AKAP7: variants seen among roughly 807,000 people sequenced by gnomAD.
AKAP7 encodes A-kinase anchoring protein 7.
A neutral mutation model predicts 39.5 loss-of-function variants in AKAP7; 39 were observed. The observed-to-expected ratio is 0.99, with a 90% CI of 0.76 to 1.29. The LOEUF (loss-of-function observed/expected upper bound fraction) is 1.29. Among genes scored for constraint, AKAP7 ranks in the 50% most tolerant of loss-of-function variants. The pLI is 0.00. For synonymous variants in AKAP7, 140 were observed against 139.1 expected, an observed-to-expected ratio of 1.01 and a Z score of -0.05; for missense variants, 414 against 407.7, an observed-to-expected ratio of 1.02 and a Z score of -0.13.
chr6:131,210,384 A>G (rs776728045), intron 6 of AKAP7, among the ~76,000 whole-genome samples: 1 of 152,236 alleles, frequency 6.6e-6, no homozygotes, highest in South Asian at 2.1e-4. Flanking sequence ...TTGAGGACCT[A>G]ACAGAACTTA....
intron 1 of AKAP7, among the ~76,000 whole-genome samples, chr6:131,139,416 T>C (rs1001789404): frequency 4.6e-5 from 7 of 152,218 alleles, no homozygotes; most frequent in Admixed American, 2.6e-4. Context: ...TAATATGCTT[T>C]ATTTAGCAAG....
intron 7 of AKAP7, among the ~76,000 whole-genome samples, chr6:131,272,498 A>G (rs949965907): frequency 1.3e-5 from 2 of 152,176 alleles, no homozygotes; most frequent in Non-Finnish European, 2.9e-5. Flanking sequence ...TAATATAAGC[A>G]CTTAGTGTAT....
At chr6:131,241,623 G>GTATATATATATA (rs1228757342) in intron 7 of AKAP7, among the ~76,000 whole-genome samples, 7 of 68,524 alleles carry the variant, frequency 1.0e-4, no homozygotes, top group African/African-American at 1.8e-4. Context: ...GTGTGTGTGT[G>GTATATATATATA]TGTGTATATA....
chr6:131,147,156 G>T (rs1157425817), intron 2 of AKAP7, among the ~76,000 whole-genome samples: 2 of 152,202 alleles, frequency 1.3e-5, no homozygotes, highest in Admixed American at 6.5e-5. Context: ...AGAATTTTCT[G>T]CAGAGTGATG....
chr6:131,273,513 G>A (rs1294814332), intron 7 of AKAP7, among the ~76,000 whole-genome samples: 3 of 152,018 alleles, frequency 2.0e-5, no homozygotes, highest in Non-Finnish European at 2.9e-5. Context: ...AGTGGTTACT[G>A]TAGGGTTTTA....
At chr6:131,135,881 C>T in intron 1 of AKAP7, 99 bp downstream of exon 1, 1 of 1,184,768 alleles carries the variant, frequency 8.4e-7, no homozygotes, top group Non-Finnish European at 1.1e-6. Flanking sequence ...CTGACCCGCG[C>T]CGGCCCTTCT....
At chr6:131,182,301 C>T (rs908742112) in intron 5 of AKAP7, among the ~76,000 whole-genome samples, 2 of 151,892 alleles carry the variant, frequency 1.3e-5, no homozygotes, top group African/African-American at 4.8e-5. Context: ...AAAAACAAAT[C>T]CTCACTCCCT....
chr6:131,238,664 C>T (rs199690840), intron 7 of AKAP7, among the ~76,000 whole-genome samples: 2 of 152,110 alleles, frequency 1.3e-5, no homozygotes, highest in African/African-American at 4.8e-5. Context: ...TATGTCATGA[C>T]CTTCTTTGTC....
chr6:131,214,780 A>T (rs962478694), intron 6 of AKAP7, among the ~76,000 whole-genome samples: 3 of 152,192 alleles, frequency 2.0e-5, no homozygotes, highest in Non-Finnish European at 4.4e-5. Context: ...TGGAAATATG[A>T]TAGTATATAT....
chr6:131,231,211 G>A (rs1474573623), intron 7 of AKAP7, among the ~76,000 whole-genome samples: 1 of 152,006 alleles, frequency 6.6e-6, no homozygotes, highest in African/African-American at 2.4e-5. Context: ...TGAGCATTAT[G>A]TGGTAAAAAT....
chr6:131,241,600 T>TATATATAC (rs1811568780), intron 7 of AKAP7, among the ~76,000 whole-genome samples: 1 of 131,360 alleles, frequency 7.6e-6, no homozygotes, highest in Admixed American at 8.2e-5. Context: ...TGTGTGTGTG[T>TATATATAC]GTGTGTGTGT....
At chr6:131,193,335 T>C (rs1159255606) in intron 5 of AKAP7, among the ~76,000 whole-genome samples, 2 of 152,182 alleles carry the variant, frequency 1.3e-5, no homozygotes, top group African/African-American at 4.8e-5. Context: ...GAAATGATCA[T>C]ATGGTTTTTG....
chr6:131,277,264 A>G (rs960480528), intron 7 of AKAP7, among the ~76,000 whole-genome samples: 12 of 152,196 alleles, frequency 7.9e-5, no homozygotes, highest in South Asian at 4.1e-4. Context: ...TATTTTTACT[A>G]TTCTCCTAAG....
At chr6:131,273,020 A>G (rs374228621) in intron 7 of AKAP7, among the ~76,000 whole-genome samples, 1 of 152,156 alleles carries the variant, frequency 6.6e-6, no homozygotes, top group African/African-American at 2.4e-5. Flanking sequence ...GCTCTTGTTA[A>G]GAGGCATATA....
At chr6:131,151,151 T>G (rs1394723353) in intron 2 of AKAP7, among the ~76,000 whole-genome samples, 1 of 151,984 alleles carries the variant, frequency 6.6e-6, no homozygotes, top group East Asian at 1.9e-4. Flanking sequence ...CAAGCAATTC[T>G]TCTGCCTCAG....
chr6:131,135,174 G>C (rs376289008), upstream of AKAP7, among the ~76,000 whole-genome samples: 54 of 152,314 alleles, frequency 3.5e-4, no homozygotes, highest in African/African-American at 1.2e-3. Context: ...TAAGCACATG[G>C]ATTCTCAAAA....
chr6:131,194,970 A>G (rs1455222813), intron 5 of AKAP7, among the ~76,000 whole-genome samples: 1 of 151,984 alleles, frequency 6.6e-6, no homozygotes, highest in Admixed American at 6.6e-5. Flanking sequence ...AGATTATTGA[A>G]TCTTGTCTTT....
intron 2 of AKAP7, among the ~76,000 whole-genome samples, chr6:131,150,062 G>A (rs964342076): frequency 6.6e-6 from 1 of 152,064 alleles, no homozygotes; most frequent in African/African-American, 2.4e-5. Context: ...CCAGTGATCC[G>A]CCCACCTCAG....
Position 131,281,407 on chromosome 6 carries a change from C to A in AKAP7, c.851-123C>A. 1 of 741,198 alleles carries A rather than the reference C, an allele frequency of 1.3e-6. No homozygotes were observed. The allele number at this position is 741,198 out of a possible 1,614,324, so 45.9% of individuals were successfully genotyped here. On this transcript the variant is annotated intron_variant, in intron 7 of 7. Transcript: ENST00000431975. The surrounding 1 kb of genome is among the most constrained non-coding windows in gnomAD (Gnocchi z 4.0). ...CCAAATGAAAAGCCAACCCACTGTT[C>A]TTGAATTTATAGATCCAATTTACAC...
Sources: gnomAD v4.1 joint callset for allele counts (sites outside exome capture counted in the v4.1 genomes callset) on GRCh38, gnomAD v4.1.1 for gene constraint, Gnocchi (gnomAD v3.1) non-coding constraint, MANE v1.5 for transcripts, NCBI Gene and HGNC (gene_info 2026-07-23, HGNC 2026-07-21) for gene names.